The following PUS10 variants were observed in gnomAD, a reference collection of about 807,000 sequenced individuals.
PUS10 encodes the protein tRNA pseudouridine synthase Pus10.
Under a neutral mutation model 75.0 loss-of-function variants are expected in PUS10, and 59 were observed. The observed-to-expected ratio is 0.79, with a 90% CI of 0.64 to 0.98. The LOEUF is 0.98. Among genes scored for constraint, PUS10 ranks in the 50% least tolerant of loss-of-function variants. The pLI, the probability that PUS10 is intolerant of heterozygous loss-of-function variation, is 0.00. For synonymous variants in PUS10, 219 were observed against 211.6 expected, an observed-to-expected ratio of 1.03 and a Z score of -0.30; for missense variants, 650 against 614.4, an observed-to-expected ratio of 1.06 and a Z score of -0.61.
At position 61,012,887 on chromosome 2, in the gene PUS10, T is replaced by TATATATATATATATAC. The variant is rs67357917; in HGVS notation, c.-15-983_-15-982insGTATATATATATATAT. ...AAAAAAATATATATATATATATATA[T>TATATATATATATATAC]ACACACACACACATATGCCTATTAC... is the stretch of plus-strand genomic sequence containing the variant. On this transcript the variant is annotated intron_variant, in intron 1 of 17. Coordinates refer to ENST00000316752, the MANE Select transcript of PUS10 (RefSeq NM_144709.4). 1.0e-2 allele frequency among the ~76,000 whole-genome samples: 885 copies of TATATATATATATATAC among 88,522 alleles called. 25 individuals carry two copies. Among genetic ancestry groups the TATATATATATATATAC allele is most frequent in the Non-Finnish European group, 0.015 (678 of 44,130 alleles). The allele number at this position is 88,522 out of a possible 152,430, so 58.1% of individuals were successfully genotyped here.
intron 4 of PUS10, among the ~76,000 whole-genome samples, chr2:60,983,323 C>T (rs1677519576): frequency 6.6e-6 from 1 of 152,130 alleles, no homozygotes; most frequent in African/African-American, 2.4e-5. Context: ...ATAATTATTA[C>T]AAATATCTAT....
chr2:60,963,040 AAAAT>A, intron 8 of PUS10, 150 bp from the exon 9 acceptor site: 2 of 1,351,944 alleles, frequency 1.5e-6, no homozygotes, highest in Non-Finnish European at 1.9e-6. Context: ...GCATTTCAAG[AAAAT>A]AAATAAAACT....
chr2:60,959,929 A>G (rs1675911487), intron 11 of PUS10, among the ~76,000 whole-genome samples: 1 of 152,102 alleles, frequency 6.6e-6, no homozygotes, highest in Non-Finnish European at 1.5e-5. Context: ...CTATAATCCC[A>G]GCACTTTGGG....
At chr2:60,995,183 TC>T (rs1678370541) in intron 4 of PUS10, among the ~76,000 whole-genome samples, 1 of 152,202 alleles carries the variant, frequency 6.6e-6, no homozygotes, top group African/African-American at 2.4e-5. Flanking sequence ...TTCAATTTCA[TC>T]ATCTGTAAAA....
At chr2:60,956,974 C>CAAAAAAAAAAAAA (rs56804354) in intron 11 of PUS10, among the ~76,000 whole-genome samples, 22 of 19,234 alleles carry the variant, frequency 1.1e-3, no homozygotes, top group African/African-American at 2.8e-3. Context: ...GACTCCATCT[C>CAAAAAAAAAAAAA]AAAAAAAAAA....
At chr2:60,943,974 C>A (rs373780366) in intron 17 of PUS10, among the ~76,000 whole-genome samples, 63 of 151,664 alleles carry the variant, frequency 4.2e-4, no homozygotes, top group East Asian at 2.1e-3. Flanking sequence ...ACAACAACAA[C>A]AAAAAAACGC....
intron 5 of PUS10, among the ~76,000 whole-genome samples, chr2:60,968,110 T>C (rs1676452567): frequency 6.6e-6 from 1 of 152,168 alleles, no homozygotes; most frequent in South Asian, 2.1e-4. Flanking sequence ...GAAGAAATAT[T>C]AAATCCTAAA....
At chr2:61,011,686 T>A (rs1157243724) in intron 2 of PUS10, 79 bp downstream of exon 2, 2 of 1,113,382 alleles carry the variant, frequency 1.8e-6, no homozygotes, top group Non-Finnish European at 2.4e-6. Flanking sequence ...ATACCTGCCC[T>A]CAAAAGTACA....
intron 4 of PUS10, among the ~76,000 whole-genome samples, chr2:60,987,457 G>C (rs1025470926): frequency 2.0e-5 from 3 of 152,010 alleles, no homozygotes; most frequent in African/African-American, 7.3e-5. Flanking sequence ...AAAAAAGGAA[G>C]AAGAAAAAAG....
intron 4 of PUS10, among the ~76,000 whole-genome samples, chr2:60,996,593 GT>G (rs1312847790): frequency 6.6e-6 from 1 of 151,070 alleles, no homozygotes; most frequent in Non-Finnish European, 1.5e-5. Flanking sequence ...AGATGGTATG[GT>G]TTAAAAAAAA....
At chr2:61,008,729 A>G (rs745717479) in intron 3 of PUS10, 32 bp downstream of exon 3, 12 of 1,468,894 alleles carry the variant, frequency 8.2e-6, no homozygotes, top group Non-Finnish European at 1.1e-5. Context: ...TCTCTACATA[A>G]TTGCACCTAT....
chr2:61,016,938 G>T (rs578184038), intron 1 of PUS10, among the ~76,000 whole-genome samples: 4 of 152,214 alleles, frequency 2.6e-5, no homozygotes, highest in African/African-American at 4.8e-5. Context: ...TTCAGCTCTG[G>T]AATCTACTGT....
chr2:60,988,276 G>A (rs1027316999), intron 4 of PUS10, among the ~76,000 whole-genome samples: 1 of 151,672 alleles, frequency 6.6e-6, no homozygotes, highest in Admixed American at 6.6e-5. Context: ...ACATTCTAAG[G>A]GTCACTGTTA....
At chr2:60,955,648 A>AT (rs1361891023) in intron 11 of PUS10, among the ~76,000 whole-genome samples, 1 of 152,194 alleles carries the variant, frequency 6.6e-6, no homozygotes. Flanking sequence ...TTTAATCCTT[A>AT]TTATAACCTT....
At chr2:60,965,653 G>A (rs975279669) in intron 6 of PUS10, 169 bp from the exon 7 acceptor site, 14 of 478,172 alleles carry the variant, frequency 2.9e-5, no homozygotes, top group Non-Finnish European at 4.8e-5. Context: ...AGCTGTAAAG[G>A]AAATAGTTTT....
intron 4 of PUS10, among the ~76,000 whole-genome samples, chr2:60,999,179 T>C (rs1433371323): frequency 1.3e-5 from 2 of 152,116 alleles, no homozygotes; most frequent in East Asian, 1.9e-4. Flanking sequence ...CTGAAAAGCA[T>C]TTAGCTTTTA....
Position 60,940,362 on chromosome 2 carries a change from T to C in PUS10, c.*2033A>G, listed in dbSNP as rs1178923646. 6.6e-6 allele frequency: 1 copy of C among 152,334 alleles called. No individual in the cohort carries two copies. Among genetic ancestry groups the C allele is most frequent in the Non-Finnish European group, 1.5e-5 (1 of 68,002 alleles). The allele number at this position is 152,334 out of a possible 1,614,324, so 9.4% of individuals were successfully genotyped here. A position where few individuals can be genotyped will look rare whatever the true frequency, so the allele number is the denominator to read the frequency against. On this transcript the variant is annotated 3_prime_UTR_variant, in exon 18 of 18. Transcript: ENST00000316752. Reference sequence around the variant, plus strand: ...TACAAAGGGCTCTTTCTCTTAAGTGTTATGAAAAAGACTTTGAATTTAAAT... The same window carrying C: ...TACAAAGGGCTCTTTCTCTTAAGTGCTATGAAAAAGACTTTGAATTTAAAT...
At chr2:61,002,991 A>T (rs1290500496) in intron 4 of PUS10, among the ~76,000 whole-genome samples, 2 of 152,164 alleles carry the variant, frequency 1.3e-5, no homozygotes, top group Non-Finnish European at 2.9e-5. Flanking sequence ...TTAAGTTTAA[A>T]GCTGTTCTGA....
chr2:61,011,928 T>G (rs1679632256), intron 1 of PUS10, 23 bp from the exon 2 acceptor site: 1 of 1,567,326 alleles, frequency 6.4e-7, no homozygotes, highest in Non-Finnish European at 8.6e-7. Flanking sequence ...GAAGTAAAAC[T>G]AATGAGCAGC....
Sources: allele counts gnomAD v4.1 joint callset (sites outside exome capture counted in the v4.1 genomes callset), GRCh38; gene constraint gnomAD v4.1.1; transcripts MANE v1.5; gene names NCBI Gene and HGNC (gene_info 2026-07-23, HGNC 2026-07-21).